Variants in CSRNP3 observed in about 807,000 individuals in gnomAD.
CSRNP3 encodes cysteine and serine rich nuclear protein 3, also known as cysteine/serine-rich nuclear protein 3.
A neutral mutation model predicts 48.0 loss-of-function variants in CSRNP3; 12 were observed. That is an observed-to-expected ratio of 0.25 (90% CI 0.16 to 0.41). The LOEUF is 0.41. Ranked by LOEUF, CSRNP3 falls within the 10% of genes least tolerant of loss-of-function variation. The probability of loss-of-function intolerance (pLI) is 1.00; values close to 1 mark genes in which losing one functional copy is unlikely to be tolerated. For missense variants in CSRNP3, 580 were observed against 724.4 expected, an observed-to-expected ratio of 0.80 and a Z score of 2.29; for synonymous variants, 263 against 269.7, an observed-to-expected ratio of 0.98 and a Z score of 0.24.
At chr2:165,573,110 C>T (rs1253301072) in intron 3 of CSRNP3, among the ~76,000 whole-genome samples, 1 of 151,866 alleles carries the variant, frequency 6.6e-6, no homozygotes, top group East Asian at 1.9e-4. Flanking sequence ...GTAAATAACA[C>T]TATTAGAACA....
At chr2:165,530,430 A>T (rs1179174759) in intron 3 of CSRNP3, among the ~76,000 whole-genome samples, 1 of 152,202 alleles carries the variant, frequency 6.6e-6, no homozygotes, top group Non-Finnish European at 1.5e-5. Flanking sequence ...AATGCAGAAA[A>T]AATGTAAAGA....
chr2:165,637,794 T>C (rs1686655874), intron 4 of CSRNP3, among the ~76,000 whole-genome samples: 1 of 152,196 alleles, frequency 6.6e-6, no homozygotes, highest in South Asian at 2.1e-4. Flanking sequence ...AAATCTACTT[T>C]TTGTGAATGT....
intron 1 of CSRNP3, among the ~76,000 whole-genome samples, chr2:165,477,691 G>A (rs900637732): frequency 7.1e-6 from 1 of 141,734 alleles, no homozygotes; most frequent in Non-Finnish European, 1.5e-5. Context: ...ATTGTAGGCC[G>A]GTAGGCCAGG....
At chr2:165,565,808 T>A (rs1435252959) in intron 3 of CSRNP3, among the ~76,000 whole-genome samples, 1 of 152,098 alleles carries the variant, frequency 6.6e-6, no homozygotes, top group East Asian at 1.9e-4. Flanking sequence ...GATTTCCTGA[T>A]CAGGAGCATG....
chr2:165,473,696 A>G (rs751781619), intron 1 of CSRNP3, among the ~76,000 whole-genome samples: 4 of 152,174 alleles, frequency 2.6e-5, no homozygotes, highest in Admixed American at 6.6e-5. Flanking sequence ...GGATTTATCA[A>G]GCTAATTGTC....
intron 4 of CSRNP3, among the ~76,000 whole-genome samples, chr2:165,654,931 CTG>C (rs1276172774): frequency 5.9e-5 from 9 of 152,216 alleles, no homozygotes. Flanking sequence ...CCGGAATCAT[CTG>C]TGTTTTTAAC....
intron 3 of CSRNP3, among the ~76,000 whole-genome samples, chr2:165,528,932 C>A (rs1158666323): frequency 6.6e-6 from 1 of 152,158 alleles, no homozygotes; most frequent in Non-Finnish European, 1.5e-5. Flanking sequence ...CCACCCAAGC[C>A]ATAGCTGTGG....
chr2:165,634,201 A>T (rs746750674), intron 4 of CSRNP3, among the ~76,000 whole-genome samples: 6 of 152,000 alleles, frequency 3.9e-5, no homozygotes, highest in Non-Finnish European at 7.4e-5. Context: ...TTAGCCAGGC[A>T]TGATGGTGTG....
At chr2:165,543,571 A>G (rs112793902) in intron 3 of CSRNP3, among the ~76,000 whole-genome samples, 1,813 of 152,222 alleles carry the variant, frequency 0.012, 37 homozygotes, top group African/African-American at 0.041. Flanking sequence ...ATCAAACTAA[A>G]TTCTTTTCTT....
chr2:165,531,712 G>T (rs1242922883), intron 3 of CSRNP3, among the ~76,000 whole-genome samples: 1 of 152,110 alleles, frequency 6.6e-6, no homozygotes, highest in Non-Finnish European at 1.5e-5. Flanking sequence ...TAAGATCAGA[G>T]CATAACTGAA....
At chr2:165,535,669 A>T (rs1684872027) in intron 3 of CSRNP3, among the ~76,000 whole-genome samples, 1 of 151,820 alleles carries the variant, frequency 6.6e-6, no homozygotes, top group African/African-American at 2.4e-5. Context: ...GAGAGAGAAT[A>T]AAAATCTTGC....
At chr2:165,607,147 G>A (rs368742110) in intron 4 of CSRNP3, among the ~76,000 whole-genome samples, 3 of 151,934 alleles carry the variant, frequency 2.0e-5, no homozygotes, top group African/African-American at 7.3e-5. Flanking sequence ...CCACGCCTTC[G>A]TGCCATTATT....
intron 3 of CSRNP3, among the ~76,000 whole-genome samples, chr2:165,553,305 C>G (rs1685122061): frequency 6.6e-6 from 1 of 152,234 alleles, no homozygotes; most frequent in East Asian, 1.9e-4. Context: ...CTAAAATAAC[C>G]TAAATTTCAT....
At chr2:165,623,223 C>A (rs575548209) in intron 4 of CSRNP3, among the ~76,000 whole-genome samples, 1 of 152,234 alleles carries the variant, frequency 6.6e-6, no homozygotes, top group Admixed American at 6.5e-5. Context: ...TGGACTGGTA[C>A]CTGTCTATGG....
intron 5 of CSRNP3, among the ~76,000 whole-genome samples, chr2:165,667,124 AAAG>A (rs1208254664): frequency 2.3e-5 from 2 of 87,888 alleles, no homozygotes; most frequent in African/African-American, 6.0e-5. Flanking sequence ...GGAAAGAGAG[AAAG>A]AAAGAAAGAG....
intron 5 of CSRNP3, among the ~76,000 whole-genome samples, chr2:165,659,045 T>C (rs974910212): frequency 6.6e-6 from 1 of 152,154 alleles, no homozygotes; most frequent in Non-Finnish European, 1.5e-5. Context: ...CATATTAAGG[T>C]ATTTTTTCCT....
chr2:165,644,431 A>C (rs1686777995), intron 4 of CSRNP3, among the ~76,000 whole-genome samples: 1 of 152,200 alleles, frequency 6.6e-6, no homozygotes. Flanking sequence ...TATATTTAGG[A>C]AATATAAATG....
At chr2:165,500,472 C>T (rs1023707519) in intron 2 of CSRNP3, among the ~76,000 whole-genome samples, 9 of 148,512 alleles carry the variant, frequency 6.1e-5, no homozygotes, top group African/African-American at 1.0e-4. Flanking sequence ...TATTTTGAGA[C>T]GGAGTCTCCC....
chr2:165,603,601 C>T (rs921837806), intron 4 of CSRNP3, among the ~76,000 whole-genome samples: 1 of 152,110 alleles, frequency 6.6e-6, no homozygotes, highest in Non-Finnish European at 1.5e-5. Flanking sequence ...ATATAAGTTT[C>T]CATGCCACAC....
Sources: gnomAD v4.1 joint callset for allele counts (sites outside exome capture counted in the v4.1 genomes callset) on GRCh38, gnomAD v4.1.1 for gene constraint, MANE v1.5 for transcripts, NCBI Gene and HGNC (gene_info 2026-07-23, HGNC 2026-07-21) for gene names.